IL33: variants seen among roughly 807,000 people sequenced by gnomAD.
IL33 encodes the protein interleukin-33.
A neutral mutation model predicts 27.3 loss-of-function variants in IL33; 37 were observed. That is an observed-to-expected ratio of 1.36 (90% confidence interval 1.04 to 1.78). IL33 has a LOEUF of 1.78. IL33 is among the 40% of genes most tolerant of loss of function. The pLI is 0.00. For synonymous variants in IL33, 132 were observed against 102.9 expected (o/e 1.28, Z -1.71); for missense variants, 406 against 311.4 (o/e 1.30, Z -2.29).
At chr9:6,240,180 G>A (rs1019691767) in intron 1 of IL33, among the ~76,000 whole-genome samples, 3 of 152,312 alleles carry the variant, frequency 2.0e-5, no homozygotes, top group East Asian at 3.9e-4. Flanking sequence ...ACCACGGCCT[G>A]TGACAAAGCC....
In IL33 at chr9:6,256,146, T is replaced by G. The variant is rs1013226806; in HGVS notation, c.791T>G (p.Leu264Trp). 5 of 1,613,310 alleles carry G rather than the reference T, an allele frequency of 3.1e-6. No individual in the cohort carries two copies. Among genetic ancestry groups the G allele is most frequent in the South Asian group, 2.2e-5 (2 of 91,022 alleles). ...SSENLCTENI[L>W]FKLSET is the part of the protein sequence containing the mutation. Reference sequence around the variant, plus strand: ...GAGAATTTGTGTACTGAAAATATCTTGTTTAAGCTCTCTGAAACTTAGTTG... The same window carrying G: ...GAGAATTTGTGTACTGAAAATATCTGGTTTAAGCTCTCTGAAACTTAGTTG... Residue 264 changes from leucine to tryptophan, a missense_variant, in exon 8 of 8, where the codon TTG becomes TGG. By Grantham distance (61) the Leu-to-Trp change is moderately conservative. Transcript: ENST00000682010.
chr9:6,218,039 C>G (rs768333728), intron 1 of IL33, among the ~76,000 whole-genome samples: 1 of 152,192 alleles, frequency 6.6e-6, no homozygotes, highest in African/African-American at 2.4e-5. Flanking sequence ...AAATGTACCT[C>G]TCTGAGTTCA....
Position 6,256,544 on chromosome 9 carries a change from C to A in IL33, c.*376C>A. 1 of 358,990 alleles carries A rather than the reference C, an allele frequency of 2.8e-6. No individual in the cohort carries two copies. The highest frequency in any genetic ancestry group is 5.0e-6 in the Non-Finnish European group (1 of 199,798). The allele number at this position is 358,990 out of a possible 1,614,324, so 22.2% of individuals were successfully genotyped here. A position where few individuals can be genotyped will look rare whatever the true frequency, so the allele number is the denominator to read the frequency against. On this transcript the variant is annotated 3_prime_UTR_variant, in exon 8 of 8. Coordinates refer to ENST00000682010, the MANE Select transcript of IL33 (RefSeq NM_033439.4). Reference sequence around the variant, plus strand: ...TTAAGTCTCTATGTAGACAGGGATCCATTTTAAAGAGCTACTTAGAGAAAT... The same window carrying A: ...TTAAGTCTCTATGTAGACAGGGATCAATTTTAAAGAGCTACTTAGAGAAAT...
intron 2 of IL33, 126 bp downstream of exon 2, chr9:6,241,911 A>G (rs766406587): frequency 1.0e-5 from 7 of 684,902 alleles, no homozygotes; most frequent in Non-Finnish European, 1.7e-5. Context: ...CTAAAATAAA[A>G]AGAGATGGCA....
chr9:6,226,926 GTTC>G (rs1818663571), intron 1 of IL33, among the ~76,000 whole-genome samples: 1 of 152,216 alleles, frequency 6.6e-6, no homozygotes, highest in African/African-American at 2.4e-5. Flanking sequence ...TAGCAGCTGA[GTTC>G]TTCAAGATAA....
At position 6,257,751 on chromosome 9, in the gene IL33, G is replaced by C. The variant is rs1286914765; in HGVS notation, c.*1583G>C. 1 of 152,096 alleles carries C rather than the reference G, an allele frequency of 6.6e-6. No individual in the cohort carries two copies. Among genetic ancestry groups the C allele is most frequent in the Non-Finnish European group, 1.5e-5 (1 of 67,996 alleles). The allele number at this position is 152,096 out of a possible 1,614,324, so 9.4% of individuals were successfully genotyped here. A position where few individuals can be genotyped will look rare whatever the true frequency, so the allele number is the denominator to read the frequency against. On this transcript the variant is annotated 3_prime_UTR_variant, in exon 8 of 8. Transcript: ENST00000682010. ...TAGAATATAAGATAAAAGAGGCTGA[G>C]AATTACCATACAAGGGTATTACAAC...
At chr9:6,224,304 T>C (rs1009762022) in intron 1 of IL33, among the ~76,000 whole-genome samples, 1 of 152,158 alleles carries the variant, frequency 6.6e-6, no homozygotes, top group African/African-American at 2.4e-5. Context: ...TAATATCTTA[T>C]TAATGTTTTA....
chr9:6,219,942 G>C (rs1818339293), intron 1 of IL33, among the ~76,000 whole-genome samples: 1 of 152,094 alleles, frequency 6.6e-6, no homozygotes, highest in African/African-American at 2.4e-5. Flanking sequence ...AAGAACTAAA[G>C]AACAATTCCA....
At chr9:6,252,810 T>A in intron 4 of IL33, 56 bp from the exon 5 acceptor site, 7 of 1,587,294 alleles carry the variant, frequency 4.4e-6, no homozygotes, top group Non-Finnish European at 6.0e-6. Flanking sequence ...GGAGCATTTT[T>A]TAAAAAGGTT....
chr9:6,216,899 C>T (rs1818170626), intron 1 of IL33, among the ~76,000 whole-genome samples: 1 of 152,192 alleles, frequency 6.6e-6, no homozygotes, highest in African/African-American at 2.4e-5. Flanking sequence ...ACAGACAAAA[C>T]CAATTCACTG....
chr9:6,251,295 G>C, intron 4 of IL33, 30 bp downstream of exon 4: 4 of 1,610,364 alleles, frequency 2.5e-6, no homozygotes, highest in Non-Finnish European at 3.4e-6. Flanking sequence ...TGATGTGGGA[G>C]TGAGGAGGGA....
chr9:6,240,144 G>C (rs1252135882), intron 1 of IL33, among the ~76,000 whole-genome samples: 2 of 152,160 alleles, frequency 1.3e-5, no homozygotes, highest in Non-Finnish European at 2.9e-5. Context: ...TAGTTGAAGA[G>C]ATTTATTCTG....
chr9:6,243,328 T>C (rs1819637922), intron 2 of IL33, among the ~76,000 whole-genome samples: 1 of 152,162 alleles, frequency 6.6e-6, no homozygotes, highest in African/African-American at 2.4e-5. Flanking sequence ...AAATTATCTG[T>C]CCTAGGAAAG....
Position 6,256,021 on chromosome 9 carries a change from T to A in IL33, c.666T>A (p.Asn222Lys), listed in dbSNP as rs566393138. 3 of 1,613,650 alleles carry A rather than the reference T, an allele frequency of 1.9e-6. No homozygotes were observed. The South Asian group carries it at 3.3e-5, about 18-fold the overall frequency. ...LPDQAFFVLH[N>K]MHSNCVSFEC... ...ACCAGGCCTTCTTTGTCCTTCATAA[T>A]ATGCACTCCAACTGTGTTTCATTTG... Residue 222 changes from asparagine to lysine, a missense_variant, in exon 8 of 8, where the codon AAT becomes AAA. Asn to Lys is a moderately conservative substitution (Grantham distance 94). Coordinates refer to ENST00000682010, the MANE Select transcript of IL33 (RefSeq NM_033439.4).
chr9:6,252,365 CTT>C (rs892495886), intron 4 of IL33, among the ~76,000 whole-genome samples: 6 of 152,050 alleles, frequency 3.9e-5, no homozygotes, highest in Non-Finnish European at 7.4e-5. Context: ...TATTTTGACA[CTT>C]TTTAAAAGTT....
chr9:6,241,775 C>G lies in IL33; in HGVS notation c.81C>G (p.Phe27Leu). Residue 27 changes from phenylalanine to leucine, a missense_variant, in exon 2 of 8, where the codon TTC becomes TTG. Transcript: ENST00000682010. ...WKNTASKALC[F>L]KLGKSQQKAK... ...ACACAGCAAGCAAAGCCTTGTGTTTCAAGCTGGGAAGTAAGGACTTAAGTT... is the reference window on the plus strand; with the variant it reads ...ACACAGCAAGCAAAGCCTTGTGTTTGAAGCTGGGAAGTAAGGACTTAAGTT... 6.2e-7 allele frequency: 1 copy of G among 1,608,976 alleles called. No individual in the cohort carries two copies. The highest frequency in any genetic ancestry group is 8.5e-7 in the Non-Finnish European group (1 of 1,177,076).
chr9:6,222,676 A>G (rs1469545453), intron 1 of IL33, among the ~76,000 whole-genome samples: 2 of 152,228 alleles, frequency 1.3e-5, no homozygotes, highest in Non-Finnish European at 2.9e-5. Flanking sequence ...AATTGTCACA[A>G]TTTAGCACAT....
intron 5 of IL33, 142 bp from the exon 6 acceptor site, chr9:6,253,410 A>G (rs2130454765): frequency 3.6e-6 from 2 of 558,092 alleles, no homozygotes; most frequent in Middle Eastern, 4.7e-4. Context: ...CATTTTTGAG[A>G]CCTTTCTCAA....
At chr9:6,251,336 T>A (rs1456254734) in intron 4 of IL33, 71 bp downstream of exon 4, 9 of 1,584,486 alleles carry the variant, frequency 5.7e-6, no homozygotes, top group African/African-American at 4.1e-5. Flanking sequence ...AAAGTGCTAC[T>A]CCAGGTAGCA....
Sources: allele counts gnomAD v4.1 joint callset (sites outside exome capture counted in the v4.1 genomes callset), GRCh38; gene constraint gnomAD v4.1.1; transcripts MANE v1.5; gene names NCBI Gene and HGNC (gene_info 2026-07-23, HGNC 2026-07-21).